The following DCDC2 variants were observed in gnomAD, a reference collection of about 807,000 sequenced individuals.
The protein encoded by DCDC2 is doublecortin domain containing 2, also known as doublecortin domain-containing protein 2.
Under a neutral mutation model 50.2 loss-of-function variants are expected in DCDC2, and 40 were observed. That is an observed-to-expected ratio of 0.80 (90% CI 0.62 to 1.04). The LOEUF is 1.04. DCDC2 is among the 50% of genes least tolerant of loss of function. The probability of loss-of-function intolerance (pLI) is 0.00; values close to 1 mark genes in which losing one functional copy is unlikely to be tolerated. For synonymous variants in DCDC2, 234 were observed against 210.6 expected (o/e 1.11, Z -0.96); for missense variants, 570 against 581.9 (o/e 0.98, Z 0.21).
At chr6:24,288,338 C>G (rs756931760) in intron 6 of DCDC2, among the ~76,000 whole-genome samples, 4 of 152,280 alleles carry the variant, frequency 2.6e-5, no homozygotes, top group African/African-American at 9.6e-5. Flanking sequence ...TAAATGCTGT[C>G]GTTACTCCCA....
chr6:24,312,378 T>C (rs553482664), intron 2 of DCDC2, among the ~76,000 whole-genome samples: 2 of 152,180 alleles, frequency 1.3e-5, no homozygotes, highest in Non-Finnish European at 2.9e-5. Context: ...AGAAATTCCA[T>C]AATCCAGGGA....
intron 7 of DCDC2, among the ~76,000 whole-genome samples, chr6:24,234,710 A>T (rs1371434166): frequency 6.6e-6 from 1 of 152,226 alleles, no homozygotes; most frequent in African/African-American, 2.4e-5. Context: ...AGATAATGAT[A>T]TCAAGCGATA....
At chr6:24,359,355 A>ATATATATTATATATATTT (rs1561789478), upstream of DCDC2, among the ~76,000 whole-genome samples, 7 of 33,500 alleles carry the variant, frequency 2.1e-4, no homozygotes, top group African/African-American at 1.2e-3. Context: ...TATATATTTT[A>ATATATATTATATATATTT]TGTATATTAT....
intron 4 of DCDC2, among the ~76,000 whole-genome samples, chr6:24,292,421 A>C (rs1026612904): frequency 1.3e-5 from 2 of 152,144 alleles, no homozygotes; most frequent in Non-Finnish European, 2.9e-5. Context: ...CATGAAATAC[A>C]ATGAAAATAG....
intron 4 of DCDC2, among the ~76,000 whole-genome samples, chr6:24,291,477 CTTTTTTTTTT>C (rs71002483): frequency 4.6e-5 from 4 of 86,578 alleles, no homozygotes; most frequent in African/African-American, 4.6e-5. Flanking sequence ...TTTGTTAATA[CTTTTTTTTTT>C]TTTTTTTTTT....
At chr6:24,328,964 A>G (rs1759921875) in intron 2 of DCDC2, among the ~76,000 whole-genome samples, 1 of 152,318 alleles carries the variant, frequency 6.6e-6, no homozygotes, top group Non-Finnish European at 1.5e-5. Flanking sequence ...TAAGATAAAC[A>G]TTAGTTTTTT....
At chr6:24,251,678 C>T (rs1762796997) in intron 7 of DCDC2, among the ~76,000 whole-genome samples, 1 of 152,200 alleles carries the variant, frequency 6.6e-6, no homozygotes, top group South Asian at 2.1e-4. Context: ...GTCTCTATTT[C>T]TATCCACAGC....
In DCDC2 at chr6:24,294,542, A is replaced by T. The variant is rs534194907; in HGVS notation, c.558-3464T>A. ...TCAATGGATCCAGGAGTTGGTTTTT[A>T]AAAAAAAATTAATAAGATACATAGG... On this transcript the variant is annotated intron_variant, in intron 4 of 9. Coordinates refer to ENST00000378454, the MANE Select transcript of DCDC2 (RefSeq NM_016356.5). 1.2e-4 allele frequency among the ~76,000 whole-genome samples: 18 copies of T among 151,566 alleles called. 1 individual carries two copies. The South Asian group carries it at 1.7e-3, about 14-fold the overall frequency.
chr6:24,210,089 T>C (rs1413494916), intron 7 of DCDC2, among the ~76,000 whole-genome samples: 4 of 151,740 alleles, frequency 2.6e-5, no homozygotes, highest in Non-Finnish European at 4.4e-5. Flanking sequence ...CCTGCCTGTC[T>C]GTCTTCACCC....
intron 6 of DCDC2, among the ~76,000 whole-genome samples, chr6:24,285,947 TA>T (rs1763597606): frequency 6.6e-6 from 1 of 152,096 alleles, no homozygotes; most frequent in African/African-American, 2.4e-5. Flanking sequence ...ATCTATACAG[TA>T]CACAGAAGGG....
At chr6:24,360,484 T>A (rs549464294), upstream of DCDC2, among the ~76,000 whole-genome samples, 2 of 152,168 alleles carry the variant, frequency 1.3e-5, no homozygotes, top group African/African-American at 2.4e-5. Flanking sequence ...TGACTGGCTG[T>A]CCAAGAGCCC....
rs546600893 is a variant in DCDC2 at position 24,214,942 on chromosome 6, C to T, written c.923-9840G>A. On this transcript the variant is annotated intron_variant, in intron 7 of 9. Transcript: ENST00000378454. Reference sequence around the variant, plus strand: ...TCCTTATTATGCAATGTTTACTGAGCTTCCTCATGCTCCCACATGTGCTAG... The same window carrying T: ...TCCTTATTATGCAATGTTTACTGAGTTTCCTCATGCTCCCACATGTGCTAG... 2.9e-4 allele frequency among the ~76,000 whole-genome samples: 44 copies of T among 152,316 alleles called. 1 individual carries two copies. The South Asian group carries it at 8.7e-3, about 30-fold the overall frequency.
In DCDC2 at chr6:24,357,761, G is replaced by C; in HGVS notation, c.-11C>G. On this transcript the variant is annotated 5_prime_UTR_variant, in exon 1 of 10. Coordinates refer to ENST00000378454, the MANE Select transcript of DCDC2 (RefSeq NM_016356.5). ...GCTGCTGCCGCTCATCTTCCCCGCT[G>C]GCCGCCGCCTCAGCTCGCTGCTTCG... The C allele has an allele frequency of 6.2e-7, 1 of 1,612,180 alleles. No individual in the cohort carries two copies. The highest frequency in any genetic ancestry group is 8.5e-7 in the Non-Finnish European group (1 of 1,179,340).
chr6:24,203,642 T>A (rs1004262622), intron 8 of DCDC2, among the ~76,000 whole-genome samples: 51 of 151,996 alleles, frequency 3.4e-4, no homozygotes, highest in African/African-American at 1.2e-3. Context: ...ACAAATGGGA[T>A]CTAATTAAAC....
chr6:24,248,382 T>A (rs1285248091), intron 7 of DCDC2, among the ~76,000 whole-genome samples: 1 of 152,188 alleles, frequency 6.6e-6, no homozygotes, highest in Non-Finnish European at 1.5e-5. Flanking sequence ...CGATTCCTTG[T>A]CTGTAAAACT....
At chr6:24,185,852 C>T (rs75090966) in intron 8 of DCDC2, among the ~76,000 whole-genome samples, 2,573 of 152,270 alleles carry the variant, frequency 0.017, 41 homozygotes, top group African/African-American at 0.044. Context: ...ACAAGTTGCA[C>T]CCTTCCTCCA....
rs1042089223 is a variant in DCDC2, at chr6:24,339,584, A to G, written c.348+13985T>C. Among the ~76,000 whole-genome samples, 5 of 152,344 alleles carry G rather than the reference A, an allele frequency of 3.3e-5. No individual in the cohort carries two copies. The South Asian group carries it at 1.0e-3, about 32-fold the overall frequency. ...GAAAGAAGGCTTAAAATAATAGCAGAGACCATAGATCAATTCATCTGCAGA... is the reference window on the plus strand; with the variant it reads ...GAAAGAAGGCTTAAAATAATAGCAGGGACCATAGATCAATTCATCTGCAGA... On this transcript the variant is annotated intron_variant, in intron 2 of 9. Transcript: ENST00000378454.
intron 7 of DCDC2, among the ~76,000 whole-genome samples, chr6:24,215,317 G>A (rs1191639145): frequency 2.6e-5 from 4 of 152,172 alleles, no homozygotes. Context: ...TAGGGATAAG[G>A]AGTGGCTGGG....
intron 2 of DCDC2, among the ~76,000 whole-genome samples, chr6:24,342,958 C>CA (rs1554120346): frequency 1.3e-5 from 2 of 151,998 alleles, no homozygotes; most frequent in Non-Finnish European, 2.9e-5. Flanking sequence ...AGTCCTCCTA[C>CA]AATTACCTTG....
Sources: gnomAD v4.1 joint callset for allele counts (sites outside exome capture counted in the v4.1 genomes callset) on GRCh38, gnomAD v4.1.1 for gene constraint, MANE v1.5 for transcripts, NCBI Gene and HGNC (gene_info 2026-07-23, HGNC 2026-07-21) for gene names.